FNTB: variants seen among roughly 807,000 people sequenced by gnomAD.
FNTB encodes the protein farnesyltransferase, CAAX box, subunit beta.
A neutral mutation model predicts 59.4 loss-of-function variants in FNTB; 27 were observed. The ratio of observed to expected loss-of-function variants is 0.45; its 90% CI spans 0.34 to 0.63. The LOEUF is 0.63. Ranked by LOEUF, FNTB falls within the 20% of genes least tolerant of loss-of-function variation. The pLI, the probability that FNTB is intolerant of heterozygous loss-of-function variation, is 0.02. For missense variants in FNTB, 449 were observed against 559.6 expected (o/e 0.80, Z 1.99); for synonymous variants, 230 against 220.7 (o/e 1.04, Z -0.37).
At chr14:64,998,182 C>CT (rs1288776618) in intron 1 of FNTB, among the ~76,000 whole-genome samples, 1 of 152,204 alleles carries the variant, frequency 6.6e-6, no homozygotes, top group Non-Finnish European at 1.5e-5. Flanking sequence ...TGAGGTAAAA[C>CT]TTTGCGCATC....
intron 7 of FNTB, among the ~76,000 whole-genome samples, chr14:65,037,756 AT>A (rs1411407207): frequency 1.3e-4 from 17 of 126,608 alleles, no homozygotes; most frequent in Admixed American, 1.7e-4. Context: ...TTATTTATTT[AT>A]TTATTTATTT....
chr14:65,055,744 T>C (rs1458778810), intron 11 of FNTB, among the ~76,000 whole-genome samples: 1 of 152,124 alleles, frequency 6.6e-6, no homozygotes, highest in Non-Finnish European at 1.5e-5. Context: ...CTCAAACTCC[T>C]GGCCTCAAGT....
rs539673690 is a variant in FNTB, at chr14:64,986,932, A to G, written c.-22A>G. 56 of 1,613,796 alleles carry G rather than the reference A, an allele frequency of 3.5e-5. 2 individuals are homozygous for G. In the South Asian group the frequency reaches 5.6e-4, roughly 16 times the overall value. On this transcript the variant is annotated 5_prime_UTR_variant, in exon 1 of 12. Transcript: ENST00000246166. ...TGCTTAACGAAGCAGAGTCCTACAC[A>G]CTGTCTGCTGCTCTCCTGATCATGG...
intron 1 of FNTB, among the ~76,000 whole-genome samples, chr14:64,988,623 A>T (rs1298209803): frequency 1.3e-5 from 2 of 151,864 alleles, no homozygotes; most frequent in Non-Finnish European, 2.9e-5. Context: ...TAGTAGAGAC[A>T]GGTTTCACCA....
At chr14:65,043,106 C>G (rs1006580781) in intron 8 of FNTB, among the ~76,000 whole-genome samples, 3 of 152,162 alleles carry the variant, frequency 2.0e-5, no homozygotes, top group Admixed American at 2.0e-4. Context: ...AGGAAGTACC[C>G]TCCCCTGTAC....
In FNTB at chr14:64,988,443, CTT is replaced by C. The variant is rs1218125017; in HGVS notation, c.144+1366_144+1367del. Among the ~76,000 whole-genome samples the C allele has an allele frequency of 6.3e-3, 755 of 120,492 alleles. 7 individuals are homozygous for C. The highest frequency in any genetic ancestry group is 0.022 in the African/African-American group (689 of 31,478). The allele number at this position is 120,492 out of a possible 152,430, so 79.0% of individuals were successfully genotyped here. On this transcript the variant is annotated intron_variant, in intron 1 of 11. Coordinates refer to ENST00000246166, the MANE Select transcript of FNTB (RefSeq NM_002028.4). ...ATCTGACCTTAGACTATGGGATTGCCTTTTTTTTTTTTTTTTTTTTTGAGATG... is the reference window on the plus strand; with the variant it reads ...ATCTGACCTTAGACTATGGGATTGCCTTTTTTTTTTTTTTTTTTTGAGATG...
chr14:64,992,454 G>T (rs1888236521), intron 1 of FNTB, among the ~76,000 whole-genome samples: 1 of 152,068 alleles, frequency 6.6e-6, no homozygotes. Flanking sequence ...CTCTTCACAT[G>T]CATCTTTGAC....
At position 65,061,198 on chromosome 14, in the gene FNTB, G is replaced by A. The variant is rs1054920274; in HGVS notation, c.1200G>A (p.Val400=). The change falls in exon 12 of 12, where the codon GTG becomes GTA. Residue 400 remains valine, a synonymous_variant. Coordinates refer to ENST00000246166, the MANE Select transcript of FNTB (RefSeq NM_002028.4). ...CTTTGCAGCAGCCCACTCACCCAGT[G>A]TACAACATTGGACCAGACAAGGTGA... ...PENALQPTHP[V]YNIGPDKVIQ... The A allele has an allele frequency of 2.6e-5, 42 of 1,613,986 alleles. 1 individual carries two copies. The highest frequency in any genetic ancestry group is 3.6e-5 in the Non-Finnish European group (42 of 1,180,014).
intron 8 of FNTB, among the ~76,000 whole-genome samples, chr14:65,042,263 T>C (rs1025539261): frequency 3.3e-5 from 5 of 152,194 alleles, no homozygotes; most frequent in Non-Finnish European, 7.3e-5. Flanking sequence ...ATTTCTATTA[T>C]TACACTGTAA....
intron 4 of FNTB, among the ~76,000 whole-genome samples, chr14:65,025,184 G>T (rs762442009): frequency 2.6e-5 from 4 of 152,164 alleles, no homozygotes; most frequent in Non-Finnish European, 5.9e-5. Context: ...TTGGCATGGA[G>T]GGATGGTATC....
At position 65,011,762 on chromosome 14, in the gene FNTB, G is replaced by A. The variant is rs1247236456; in HGVS notation, c.210-555G>A. ...AGGACAGCGACTGGCTGCAGAACAC[G>A]GTCCTCTGGCCAGGGCTGTGGGTCA... On this transcript the variant is annotated intron_variant, in intron 2 of 11. Coordinates refer to ENST00000246166, the MANE Select transcript of FNTB (RefSeq NM_002028.4). The surrounding 1 kb of genome is among the most constrained non-coding windows in gnomAD (Gnocchi z 4.0). Among the ~76,000 whole-genome samples, 3 of 152,218 alleles carry A rather than the reference G, an allele frequency of 2.0e-5. No homozygotes were observed. The highest frequency in any genetic ancestry group is 1.9e-4 in the East Asian group (1 of 5,198).
intron 1 of FNTB, among the ~76,000 whole-genome samples, chr14:64,992,332 A>G (rs1424996756): frequency 1.3e-5 from 2 of 152,234 alleles, no homozygotes; most frequent in African/African-American, 2.4e-5. Flanking sequence ...CAAAATTTAC[A>G]TTTAAATTTG....
At chr14:65,022,906 T>C (rs942009124) in intron 4 of FNTB, among the ~76,000 whole-genome samples, 14 of 152,290 alleles carry the variant, frequency 9.2e-5, no homozygotes, top group African/African-American at 3.4e-4. Flanking sequence ...ACCCCTGCCA[T>C]CTCTAAGCGT....
intron 9 of FNTB, among the ~76,000 whole-genome samples, chr14:65,048,433 C>G (rs760020643): frequency 1.8e-4 from 28 of 152,178 alleles, no homozygotes; most frequent in Non-Finnish European, 4.1e-4. Flanking sequence ...AAAGAATGCT[C>G]TACATAGTGC....
At chr14:65,040,720 T>C in intron 7 of FNTB, 70 bp from the exon 8 acceptor site, 1 of 1,481,040 alleles carries the variant, frequency 6.8e-7, no homozygotes, top group Non-Finnish European at 9.1e-7. Context: ...CTCTGCCACC[T>C]AGGATGGTCC....
Position 65,061,276 on chromosome 14 carries a change from T to A in FNTB, c.1278T>A (p.Leu426=). ...AGCCAGTCCCAGGTTTTGAGGAGCT[T>A]AAGGATGAGACATCGGCAGAGCCTG... ...LQKPVPGFEE[L]KDETSAEPAT... is the part of the protein sequence containing the mutation. The change falls in exon 12 of 12, where the codon CTT becomes CTA. Residue 426 remains leucine, a synonymous_variant. Coordinates refer to ENST00000246166, the MANE Select transcript of FNTB (RefSeq NM_002028.4). The A allele has an allele frequency of 6.2e-7, 1 of 1,614,108 alleles. No homozygotes were observed. The highest frequency in any genetic ancestry group is 8.5e-7 in the Non-Finnish European group (1 of 1,180,010).
rs991168888 is a variant in FNTB, at chr14:65,009,291, C to G, written c.210-3026C>G. Among the ~76,000 whole-genome samples, 3 of 152,118 alleles carry G rather than the reference C, an allele frequency of 2.0e-5. No individual in the cohort carries two copies. Among genetic ancestry groups the G allele is most frequent in the Admixed American group, 6.6e-5 (1 of 15,262 alleles). On this transcript the variant is annotated intron_variant, in intron 2 of 11. Transcript: ENST00000246166. This position sits in a 1 kb window ranked among gnomAD's most constrained non-coding sequence, Gnocchi z 4.2. ...ACCAAGGTGTCAGCAGGCTTGGTTT[C>G]TCCTGAGGCTGCTGACTGGCTTCAC...
chr14:65,026,184 T>C (rs890959361), intron 4 of FNTB, among the ~76,000 whole-genome samples: 5 of 152,196 alleles, frequency 3.3e-5, no homozygotes, highest in African/African-American at 1.2e-4. Flanking sequence ...TGGAGGTTTC[T>C]CCTGGCGGGA....
At chr14:65,036,033 G>T (rs1043654639) in intron 7 of FNTB, among the ~76,000 whole-genome samples, 2 of 152,012 alleles carry the variant, frequency 1.3e-5, no homozygotes, top group African/African-American at 4.8e-5. Context: ...GAGTCTCACT[G>T]TGTTGCCCAG....
Sources: gnomAD v4.1 joint callset for allele counts (sites outside exome capture counted in the v4.1 genomes callset) on GRCh38, gnomAD v4.1.1 for gene constraint, Gnocchi (gnomAD v3.1) non-coding constraint, MANE v1.5 for transcripts, NCBI Gene and HGNC (gene_info 2026-07-23, HGNC 2026-07-21) for gene names.